The following OGA variants were observed in gnomAD, a reference collection of about 807,000 sequenced individuals.
The protein encoded by OGA is O-GlcNAcase.
A neutral mutation model predicts 102.0 loss-of-function variants in OGA; 21 were observed. The observed-to-expected ratio is 0.21, with a 90% CI of 0.15 to 0.30. OGA has a LOEUF of 0.30. OGA is among the 10% of genes least tolerant of loss of function. The pLI, the probability that OGA is intolerant of heterozygous loss-of-function variation, is 1.00. For synonymous variants in OGA, 408 were observed against 378.2 expected (o/e 1.08, Z -0.91); for missense variants, 765 against 1,107.8 (o/e 0.69, Z 4.39).
chr10:101,788,364 G>A (rs1564638729), intron 14 of OGA, among the ~76,000 whole-genome samples: 8 of 150,736 alleles, frequency 5.3e-5, no homozygotes, highest in South Asian at 2.1e-4. Context: ...GCTTGAACCC[G>A]GGAGGCAGAG....
intron 15 of OGA, 101 bp from the exon 16 acceptor site, chr10:101,786,688 TTGTC>T (rs1199644023): frequency 2.7e-5 from 28 of 1,022,436 alleles, no homozygotes; most frequent in Middle Eastern, 6.3e-4. Context: ...TAAACAGGGC[TTGTC>T]TGTCTACACC....
chr10:101,802,180 T>C (rs1162058233), intron 7 of OGA, among the ~76,000 whole-genome samples: 1 of 151,998 alleles, frequency 6.6e-6, no homozygotes, highest in Non-Finnish European at 1.5e-5. Flanking sequence ...TCAGTGTTTT[T>C]AACCTCCAGC....
intron 9 of OGA, among the ~76,000 whole-genome samples, chr10:101,798,601 A>ATT (rs2065349169): frequency 6.6e-6 from 1 of 151,950 alleles, no homozygotes; most frequent in Admixed American, 6.6e-5. Context: ...TTTAGTACAG[A>ATT]TGGGGTTTCA....
chr10:101,813,467 G>T, intron 2 of OGA, 88 bp downstream of exon 2: 1 of 834,396 alleles, frequency 1.2e-6, no homozygotes, highest in Non-Finnish European at 1.9e-6. Context: ...AAATGCACCT[G>T]GGCTATTCAC....
rs764550840 is a variant in OGA, at chr10:101,803,744, C to A, written c.1027G>T (p.Val343Leu). Reference protein sequence around the residue: ...KSNMNGVRKDVVMTDSEDSTV... With the variant: ...KSNMNGVRKDLVMTDSEDSTV... ...AGTACAGGCTACTTACTCATCACTA[C>A]ATCTTTTCTCACTCCATTCATGTTT... The change falls in exon 7 of 16, where the codon GTA becomes TTA. Residue 343 changes from valine to leucine, a missense_variant. This residue lies in a region of OGA where 33 missense variants were observed against 52.5 expected (regional missense o/e 0.63). Coordinates refer to ENST00000361464, the MANE Select transcript of OGA (RefSeq NM_012215.5). The A allele has an allele frequency of 4.3e-6, 7 of 1,613,948 alleles. No individual in the cohort carries two copies. The highest frequency in any genetic ancestry group is 5.9e-6 in the Non-Finnish European group (7 of 1,179,800).
chr10:101,791,594 T>C (rs1309760981), intron 12 of OGA, 155 bp from the exon 13 acceptor site: 10 of 620,252 alleles, frequency 1.6e-5, no homozygotes, highest in East Asian at 2.8e-5. Context: ...TAAAGATTTA[T>C]TCATTGAGTC....
Position 101,799,040 on chromosome 10 carries a change from C to T in OGA, c.1611G>A (p.Gln537=), listed in dbSNP as rs1229285102. The T allele has an allele frequency of 1.4e-5, 22 of 1,614,208 alleles. No individual in the cohort carries two copies. The highest frequency in any genetic ancestry group is 1.9e-5 in the Non-Finnish European group (22 of 1,180,032). Residue 537 remains glutamine, a synonymous_variant, in exon 9 of 16, where the codon CAG becomes CAA. Coordinates refer to ENST00000361464, the MANE Select transcript of OGA (RefSeq NM_012215.5). ...MQTDEQTNKE[Q]FVPGPNEKPL... is the part of the protein sequence containing the mutation. ...GCTTTTCATTTGGACCTGGCACAAACTGCTCCTTGTTTGTCTGTTCATCAG... is the reference window on the plus strand; with the variant it reads ...GCTTTTCATTTGGACCTGGCACAAATTGCTCCTTGTTTGTCTGTTCATCAG...
chr10:101,800,135 A>G (rs922289847), intron 8 of OGA, 107 bp downstream of exon 8: 6 of 1,251,528 alleles, frequency 4.8e-6, no homozygotes, highest in Non-Finnish European at 6.7e-6. Context: ...GGCCTCCCAA[A>G]GTGCTGAGAT....
At position 101,817,941 on chromosome 10, in the gene OGA, A is replaced by G. The variant is rs746006935; in HGVS notation, c.82T>C (p.Ser28Pro). 1.3e-6 allele frequency: 2 copies of G among 1,594,612 alleles called. No homozygotes were observed. The highest frequency in any genetic ancestry group is 2.3e-5 in the South Asian group (2 of 88,646). The stretch of plus-strand genomic sequence containing the variant: ...GCCGGAGCTGCCGGCGGCTCCAGCG[A>G]TGCCCCCGCAGAGGCGGCAGGGTTG... ...SSNPAASAGA[S>P]LEPPAAPAPG... Residue 28 changes from serine (S) to proline (P), a missense_variant, in exon 1 of 16, where the codon TCG (serine) becomes CCG (proline). Coordinates refer to ENST00000361464, the MANE Select transcript of OGA (RefSeq NM_012215.5).
At chr10:101,815,102 C>G (rs938284862) in intron 1 of OGA, among the ~76,000 whole-genome samples, 1 of 152,162 alleles carries the variant, frequency 6.6e-6, no homozygotes, top group Non-Finnish European at 1.5e-5. Context: ...ACATAAGAGA[C>G]TAGTCTAAAA....
intron 7 of OGA, among the ~76,000 whole-genome samples, chr10:101,802,352 A>T (rs373014003): frequency 2.1e-4 from 32 of 152,316 alleles, no homozygotes; most frequent in African/African-American, 7.7e-4. Context: ...ATTGCCTATA[A>T]GCCTTACCCA....
chr10:101,814,983 C>T (rs2065603640), intron 1 of OGA, among the ~76,000 whole-genome samples: 1 of 152,190 alleles, frequency 6.6e-6, no homozygotes. Context: ...TTCCACTTGT[C>T]TCAGTCTAAT....
At chr10:101,789,010 T>C (rs2065224865) in intron 14 of OGA, among the ~76,000 whole-genome samples, 1 of 152,248 alleles carries the variant, frequency 6.6e-6, no homozygotes, top group African/African-American at 2.4e-5. Context: ...GCAAATTTTA[T>C]GTTATTTATA....
chr10:101,807,022 G>C (rs1056868477), intron 5 of OGA, among the ~76,000 whole-genome samples: 19 of 152,096 alleles, frequency 1.2e-4, no homozygotes, highest in African/African-American at 4.6e-4. Context: ...ATGGCTATTA[G>C]TACTCAACTG....
At position 101,786,591 on chromosome 10, in the gene OGA, GAAATA is replaced by G. The variant is rs2065191978; in HGVS notation, c.2615-9_2615-5del. 6.3e-7 allele frequency: 1 copy of G among 1,575,898 alleles called. No homozygotes were observed. Reference sequence around the variant, plus strand: ...TCACAGAAAGCTCCCCGGGAGCCTAGAAATAAAACAAATATTCAAAACATAAATAA... The same window carrying G: ...TCACAGAAAGCTCCCCGGGAGCCTAGAAACAAATATTCAAAACATAAATAA... On this transcript the variant is annotated splice_polypyrimidine_tract_variant and splice_region_variant and intron_variant, in intron 15 of 15. Transcript: ENST00000361464.
intron 6 of OGA, 36 bp from the exon 7 acceptor site, chr10:101,804,055 T>C (rs1416514229): frequency 3.8e-6 from 6 of 1,577,094 alleles, no homozygotes; most frequent in South Asian, 1.2e-5. Context: ...AAAAGAATCA[T>C]GGTTCTTGGC....
rs1331000278 is a variant in OGA, at chr10:101,793,931, ACCACCTCTAAAGGC to A, written c.2038_2051del (p.Ala680SerfsTer12). ...TTGATACCTGGAACTCTCCTGCTAG[ACCACCTCTAAAGGC>A]CCAGGGTTCTTGGTCTCCAATTAAG... is the stretch of plus-strand genomic sequence containing the variant. On this transcript the variant is annotated frameshift_variant, in exon 11 of 16. Transcript: ENST00000361464. LOFTEE classifies it high-confidence loss of function. 1 of 1,611,660 alleles carries A rather than the reference ACCACCTCTAAAGGC, an allele frequency of 6.2e-7. No homozygotes were observed. Among genetic ancestry groups the A allele is most frequent in the African/African-American group, 1.3e-5 (1 of 74,844 alleles).
At chr10:101,805,654 T>TAA (rs1317229577) in intron 6 of OGA, among the ~76,000 whole-genome samples, 1 of 79,830 alleles carries the variant, frequency 1.3e-5, no homozygotes. Flanking sequence ...ATGCTCTGTC[T>TAA]CAAAAAAAAA....
intron 3 of OGA, among the ~76,000 whole-genome samples, chr10:101,811,949 A>G (rs763585482): frequency 6.6e-6 from 1 of 152,130 alleles, no homozygotes; most frequent in Non-Finnish European, 1.5e-5. Context: ...TACCAGCACC[A>G]CCAGAAAGTA....
Sources: allele counts gnomAD v4.1 joint callset (sites outside exome capture counted in the v4.1 genomes callset), GRCh38; gene constraint gnomAD v4.1.1; regional missense constraint gnomAD v4.1.1; transcripts MANE v1.5; gene names NCBI Gene and HGNC (gene_info 2026-07-23, HGNC 2026-07-21).